The following PIRT variants were observed in gnomAD, a reference collection of about 807,000 sequenced individuals.
The protein encoded by PIRT is phosphoinositide-interacting protein.
In PIRT, 6 loss-of-function variants were observed where a neutral mutation model predicts 7.9. The ratio of observed to expected loss-of-function variants is 0.76; its 90% CI spans 0.42 to 1.51. The LOEUF is 1.51. Ranked by LOEUF, PIRT falls within the 40% of genes most tolerant of loss-of-function variation. The pLI, the probability that PIRT is intolerant of heterozygous loss-of-function variation, is 0.01. For synonymous variants in PIRT, 78 were observed against 71.8 expected (o/e 1.09, Z -0.44); for missense variants, 170 against 172.9 (o/e 0.98, Z 0.09).
chr17:10,825,261 T>A lies in PIRT; in HGVS notation c.385A>T (p.Ser129Cys). Residue 129 changes from serine to cysteine, a missense_variant, in exon 2 of 2, where the codon AGC (serine) becomes TGC (cysteine). Coordinates refer to ENST00000580256, the MANE Select transcript of PIRT (RefSeq NM_001101387.2). ...KHRQKSNFLR[S>C]LKSFFLTR ...CGAGTCAGGAAGAAGGACTTGAGGCTGCGTAAGAAATTCGACTTCTGTCTG... is the reference window on the plus strand; with the variant it reads ...CGAGTCAGGAAGAAGGACTTGAGGCAGCGTAAGAAATTCGACTTCTGTCTG... 6.2e-7 allele frequency: 1 copy of A among 1,613,958 alleles called. No individual in the cohort carries two copies. Among genetic ancestry groups the A allele is most frequent in the Non-Finnish European group, 8.5e-7 (1 of 1,179,886 alleles).
chr17:10,831,739 T>C (rs1905466912), intron 1 of PIRT, among the ~76,000 whole-genome samples: 1 of 152,212 alleles, frequency 6.6e-6, no homozygotes, highest in East Asian at 1.9e-4. Context: ...CAGTTTCCTT[T>C]AAGGTCCTGA....
intron 1 of PIRT, among the ~76,000 whole-genome samples, chr17:10,834,655 G>A (rs1010604035): frequency 2.6e-5 from 4 of 152,120 alleles, no homozygotes; most frequent in Non-Finnish European, 4.4e-5. Context: ...GCAATGGCGA[G>A]ATCTCAGCTC....
At chr17:10,834,449 TTG>T (rs1323127466) in intron 1 of PIRT, among the ~76,000 whole-genome samples, 1 of 152,146 alleles carries the variant, frequency 6.6e-6, no homozygotes, top group African/African-American at 2.4e-5. Flanking sequence ...CAGAAAATTG[TTG>T]TGGGGCTTGA....
At chr17:10,830,916 A>G (rs1905448926) in intron 1 of PIRT, among the ~76,000 whole-genome samples, 1 of 152,210 alleles carries the variant, frequency 6.6e-6, no homozygotes, top group Non-Finnish European at 1.5e-5. Flanking sequence ...TCTACCCACT[A>G]GATGCCAACA....
chr17:10,825,379 G>T lies in PIRT; in HGVS notation c.267C>A (p.Leu89=). The change falls in exon 2 of 2, where the codon CTC becomes CTA. Residue 89 remains leucine (L), a synonymous_variant. Coordinates refer to ENST00000580256, the MANE Select transcript of PIRT (RefSeq NM_001101387.2). The part of the protein sequence containing the change: ...LKLSDKSLSI[L]KMVGPGFLSL... ...ACAGGAAGCCAGGCCCTACCATTTT[G>T]AGGATGGAGAGACTCTTGTCACTCA... The T allele has an allele frequency of 1.2e-6, 2 of 1,613,998 alleles. No homozygotes were observed. The highest frequency in any genetic ancestry group is 1.7e-6 in the Non-Finnish European group (2 of 1,179,890).
rs986384177 is a variant in PIRT at position 10,829,183 on chromosome 17, C to T, written c.-138-3400G>A. Among the ~76,000 whole-genome samples, 11 of 152,090 alleles carry T rather than the reference C, an allele frequency of 7.2e-5. No individual in the cohort carries two copies. The South Asian group carries it at 8.3e-4, about 11-fold the overall frequency. ...TTTTTCTCAGTAGTCATTTCGATCCCGTTTCCGTGAAGACATGGGGCGATA... is the reference window on the plus strand; with the variant it reads ...TTTTTCTCAGTAGTCATTTCGATCCTGTTTCCGTGAAGACATGGGGCGATA... On this transcript the variant is annotated intron_variant, in intron 1 of 1. Transcript: ENST00000580256.
Position 10,825,697 on chromosome 17 carries a change from G to C in PIRT, c.-52C>G. On this transcript the variant is annotated 5_prime_UTR_variant, in exon 2 of 2. Coordinates refer to ENST00000580256, the MANE Select transcript of PIRT (RefSeq NM_001101387.2). ...CCAGCAATAGTTGGAAACAAGAGTG[G>C]AGCCAAAGGAATCCTCACACACCCT... 1 of 1,441,220 alleles carries C rather than the reference G, an allele frequency of 6.9e-7. No homozygotes were observed. Among genetic ancestry groups the C allele is most frequent in the Non-Finnish European group, 9.1e-7 (1 of 1,093,718 alleles). 89.3% of individuals were successfully genotyped at this position (1,441,220 alleles called of 1,614,324 possible). A position where few individuals can be genotyped will look rare whatever the true frequency, so the allele number is the denominator to read the frequency against.
At chr17:10,831,855 G>A (rs1274280324) in intron 1 of PIRT, among the ~76,000 whole-genome samples, 1 of 152,228 alleles carries the variant, frequency 6.6e-6, no homozygotes, top group Non-Finnish European at 1.5e-5. Context: ...AGATTTGAAT[G>A]TCAGCTCGCC....
chr17:10,825,285 T>C lies in PIRT; in HGVS notation c.361A>G (p.Arg121Gly). 2 of 1,614,008 alleles carry C rather than the reference T, an allele frequency of 1.2e-6. No individual in the cohort carries two copies. Among genetic ancestry groups the C allele is most frequent in the South Asian group, 2.2e-5 (2 of 91,074 alleles). The change falls in exon 2 of 2, where the codon AGA becomes GGA. Residue 121 changes from arginine (R) to glycine (G), a missense_variant. By Grantham distance (125) the Arg-to-Gly change is moderately radical. Transcript: ENST00000580256. ...CTGCGTAAGAAATTCGACTTCTGTCTGTGCTTCTGTTTCTTTTTGATGATG... is the reference window on the plus strand; with the variant it reads ...CTGCGTAAGAAATTCGACTTCTGTCCGTGCTTCTGTTTCTTTTTGATGATG... The part of the protein sequence containing the change: ...VPIIKKKQKH[R>G]QKSNFLRSLK...
Position 10,823,908 on chromosome 17 carries a change from C to T in PIRT, c.*1324G>A, listed in dbSNP as rs780113103. The T allele has an allele frequency of 3.3e-5, 5 of 152,370 alleles. No individual in the cohort carries two copies. The South Asian group carries it at 6.2e-4, about 19-fold the overall frequency. 9.4% of individuals were successfully genotyped at this position (152,370 alleles called of 1,614,324 possible). A position where few individuals can be genotyped will look rare whatever the true frequency, so the allele number is the denominator to read the frequency against. On this transcript the variant is annotated 3_prime_UTR_variant, in exon 2 of 2. Transcript: ENST00000580256. ...ACATCTGGGAGGTCAGACAAATGGCCGTGCAGTTTCCTAATTCCATCATGC... is the reference window on the plus strand; with the variant it reads ...ACATCTGGGAGGTCAGACAAATGGCTGTGCAGTTTCCTAATTCCATCATGC...
At chr17:10,836,061 C>T (rs192516765) in intron 1 of PIRT, among the ~76,000 whole-genome samples, 2 of 152,138 alleles carry the variant, frequency 1.3e-5, no homozygotes, top group South Asian at 2.1e-4. Flanking sequence ...TGCCACCACG[C>T]CTGCCTAATT....
In PIRT at chr17:10,822,986, A is replaced by G. The variant is rs1905238641; in HGVS notation, c.*2246T>C. On this transcript the variant is annotated 3_prime_UTR_variant, in exon 2 of 2. Transcript: ENST00000580256. ...AAGACATCCATGATAGCAGTATCCA[A>G]ATGGGCCCTCCTCATATAGCTGTGC... is the stretch of plus-strand genomic sequence containing the variant. The G allele has an allele frequency of 6.6e-6, 1 of 152,164 alleles. No homozygotes were observed. The highest frequency in any genetic ancestry group is 2.4e-5 in the African/African-American group (1 of 41,446). 9.4% of individuals were successfully genotyped at this position (152,164 alleles called of 1,614,324 possible).
At chr17:10,836,804 G>A (rs1201718763) in intron 1 of PIRT, among the ~76,000 whole-genome samples, 2 of 152,176 alleles carry the variant, frequency 1.3e-5, no homozygotes, top group Non-Finnish European at 2.9e-5. Flanking sequence ...AGGCAGGATG[G>A]AAGTGGTGGG....
At position 10,824,409 on chromosome 17, in the gene PIRT, C is replaced by T. The variant is rs1055582500; in HGVS notation, c.*823G>A. Reference sequence around the variant, plus strand: ...GATCCCTCTGTATCTTTCCATTTAGCTGTTCTAGATGCAGAGATAGAGGCA... The same window carrying T: ...GATCCCTCTGTATCTTTCCATTTAGTTGTTCTAGATGCAGAGATAGAGGCA... On this transcript the variant is annotated 3_prime_UTR_variant, in exon 2 of 2. Coordinates refer to ENST00000580256, the MANE Select transcript of PIRT (RefSeq NM_001101387.2). 1 of 152,136 alleles carries T rather than the reference C, an allele frequency of 6.6e-6. No homozygotes were observed. The highest frequency in any genetic ancestry group is 2.4e-5 in the African/African-American group (1 of 41,422). The allele number at this position is 152,136 out of a possible 1,614,324, so 9.4% of individuals were successfully genotyped here. A position where few individuals can be genotyped will look rare whatever the true frequency, so the allele number is the denominator to read the frequency against.
At chr17:10,827,465 C>CTTTTCTTT (rs1905353956) in intron 1 of PIRT, among the ~76,000 whole-genome samples, 1 of 56,290 alleles carries the variant, frequency 1.8e-5, no homozygotes, top group African/African-American at 7.5e-5. Flanking sequence ...TTTTTCTTTT[C>CTTTTCTTT]TTTTTTTTTT....
At chr17:10,837,499 C>T (rs1019852131) in intron 1 of PIRT, among the ~76,000 whole-genome samples, 1 of 152,220 alleles carries the variant, frequency 6.6e-6, no homozygotes, top group African/African-American at 2.4e-5. Flanking sequence ...AGGAGGACGG[C>T]TGGGGTCCGA....
chr17:10,830,910 C>T (rs899891537), intron 1 of PIRT, among the ~76,000 whole-genome samples: 1 of 152,190 alleles, frequency 6.6e-6, no homozygotes, highest in Non-Finnish European at 1.5e-5. Context: ...CTGGTCTCTA[C>T]CCACTAGATG....
chr17:10,831,195 GC>G (rs944223079), intron 1 of PIRT, among the ~76,000 whole-genome samples: 1 of 152,206 alleles, frequency 6.6e-6, no homozygotes, highest in Non-Finnish European at 1.5e-5. Flanking sequence ...CACTCAGGGG[GC>G]TGGTCCAGTG....
chr17:10,833,441 C>T (rs1409523081), intron 1 of PIRT, among the ~76,000 whole-genome samples: 1 of 152,146 alleles, frequency 6.6e-6, no homozygotes, highest in Non-Finnish European at 1.5e-5. Flanking sequence ...TGAACTGTGA[C>T]AAAATATTTA....
Sources: gnomAD v4.1 joint callset for allele counts (sites outside exome capture counted in the v4.1 genomes callset) on GRCh38, gnomAD v4.1.1 for gene constraint, MANE v1.5 for transcripts, NCBI Gene and HGNC (gene_info 2026-07-23, HGNC 2026-07-21) for gene names.